Variants in LHCGR observed in about 807,000 individuals in gnomAD.
LHCGR encodes lutropin-choriogonadotropic hormone receptor.
Under a neutral mutation model 60.7 loss-of-function variants are expected in LHCGR, and 55 were observed. The ratio of observed to expected loss-of-function variants is 0.91; its 90% confidence interval spans 0.73 to 1.13. LHCGR has a LOEUF of 1.13. Among genes scored for constraint, LHCGR ranks in the 50% most tolerant of loss-of-function variants. The pLI, the probability that LHCGR is intolerant of heterozygous loss-of-function variation, is 0.00. For missense variants in LHCGR, 862 were observed against 836.0 expected (o/e 1.03, Z -0.38); for synonymous variants, 337 against 316.5 (o/e 1.06, Z -0.69).
intron 10 of LHCGR, among the ~76,000 whole-genome samples, chr2:48,692,446 G>C (rs1234971084): frequency 6.6e-6 from 1 of 152,004 alleles, no homozygotes; most frequent in Non-Finnish European, 1.5e-5. Flanking sequence ...TTTCTCCCTG[G>C]TGATTTATCT....
At chr2:48,737,508 A>C (rs1669252164) in intron 1 of LHCGR, among the ~76,000 whole-genome samples, 1 of 152,226 alleles carries the variant, frequency 6.6e-6, no homozygotes, top group African/African-American at 2.4e-5. Context: ...ATGATAATAA[A>C]CTTGCTTTCA....
chr2:48,696,729 A>G (rs1367700007), intron 9 of LHCGR, among the ~76,000 whole-genome samples: 1 of 152,232 alleles, frequency 6.6e-6, no homozygotes, highest in Non-Finnish European at 1.5e-5. Context: ...GGACATTTCT[A>G]TGTATTATTC....
At chr2:48,754,578 T>C (rs1271689733) in intron 1 of LHCGR, among the ~76,000 whole-genome samples, 3 of 151,950 alleles carry the variant, frequency 2.0e-5, no homozygotes, top group Admixed American at 6.6e-5. Flanking sequence ...ACAATCTAAT[T>C]TTACAAAAAT....
At position 48,729,168 on chromosome 2, in the gene LHCGR, A is replaced by T. The variant is rs1430997827; in HGVS notation, c.293T>A (p.Leu98His). ...TGATGCTTACATTTCAGACAAATTG[A>T]GGAGGTTGTCAAAGGCATTAGCTTC... ...RIEANAFDNL[L>H]NLSEILIQNT... The change falls in exon 3 of 11, where the codon CTC (leucine) becomes CAC (histidine). Residue 98 changes from leucine to histidine, a missense_variant. Transcript: ENST00000294954. 3 of 1,611,030 alleles carry T rather than the reference A, an allele frequency of 1.9e-6. No individual in the cohort carries two copies. Among genetic ancestry groups the T allele is most frequent in the South Asian group, 2.2e-5 (2 of 91,028 alleles).
At chr2:48,730,834 A>G (rs1668954865) in intron 2 of LHCGR, among the ~76,000 whole-genome samples, 1 of 152,238 alleles carries the variant, frequency 6.6e-6, no homozygotes, top group Non-Finnish European at 1.5e-5. Flanking sequence ...TATAAAGATT[A>G]TCTTCTGATG....
chr2:48,724,476 C>G (rs969712203), intron 4 of LHCGR, among the ~76,000 whole-genome samples: 3 of 152,186 alleles, frequency 2.0e-5, no homozygotes. Context: ...AGCCAGGTTT[C>G]TCTTCTGGCT....
intron 10 of LHCGR, among the ~76,000 whole-genome samples, chr2:48,689,877 G>A (rs1296799507): frequency 6.6e-6 from 1 of 152,102 alleles, no homozygotes; most frequent in Non-Finnish European, 1.5e-5. Context: ...ACCGCACCCA[G>A]CTAATTTTTT....
At chr2:48,717,210 T>G (rs749012446) in intron 6 of LHCGR, among the ~76,000 whole-genome samples, 2 of 152,250 alleles carry the variant, frequency 1.3e-5, no homozygotes, top group Non-Finnish European at 2.9e-5. Context: ...GTTGTCTAGA[T>G]GCCCATTATT....
intron 1 of LHCGR, among the ~76,000 whole-genome samples, chr2:48,738,001 A>T (rs936926315): frequency 1.3e-5 from 2 of 152,208 alleles, no homozygotes; most frequent in African/African-American, 2.4e-5. Context: ...CCAACAATCA[A>T]GTCACATCAG....
chr2:48,708,940 C>T lies in LHCGR; in HGVS notation c.680+8G>A, dbSNP rs754713807. 2 of 1,612,530 alleles carry T rather than the reference C, an allele frequency of 1.2e-6. No homozygotes were observed. The highest frequency in any genetic ancestry group is 2.2e-5 in the South Asian group (2 of 91,056). On this transcript the variant is annotated splice_region_variant and intron_variant, in intron 8 of 10. Transcript: ENST00000294954. Reference sequence around the variant, plus strand: ...GGCAGGGAGGGGAGGCAGCACCATTCTACTCACAAGGTTTTCGGCCCTGTG... The same window carrying T: ...GGCAGGGAGGGGAGGCAGCACCATTTTACTCACAAGGTTTTCGGCCCTGTG...
chr2:48,714,963 G>A (rs973033548), intron 6 of LHCGR, among the ~76,000 whole-genome samples: 3 of 152,146 alleles, frequency 2.0e-5, no homozygotes, highest in Non-Finnish European at 4.4e-5. Context: ...GATATGCTTT[G>A]TCTGGGGCTA....
chr2:48,748,258 A>G (rs1290728987), intron 1 of LHCGR, among the ~76,000 whole-genome samples: 2 of 152,120 alleles, frequency 1.3e-5, no homozygotes, highest in East Asian at 3.9e-4. Context: ...CCTGCATGCT[A>G]TCTTGTACAT....
intron 6 of LHCGR, chr2:48,721,644 A>G (rs775350937): frequency 2.1e-6 from 1 of 468,586 alleles, no homozygotes; most frequent in South Asian, 1.6e-5. Context: ...CCAGTGATAT[A>G]AAAGAGAGTC....
chr2:48,691,476 A>AT (rs1007445631), intron 10 of LHCGR, among the ~76,000 whole-genome samples: 6 of 152,166 alleles, frequency 3.9e-5, no homozygotes, highest in Non-Finnish European at 7.3e-5. Context: ...TATAATTATC[A>AT]TTTTTTAATC....
At chr2:48,711,002 C>T (rs1019047308) in intron 7 of LHCGR, among the ~76,000 whole-genome samples, 1 of 152,146 alleles carries the variant, frequency 6.6e-6, no homozygotes, top group Non-Finnish European at 1.5e-5. Flanking sequence ...CTCCAGTCTC[C>T]CCCTTGCTAA....
At chr2:48,726,043 C>T (rs1394992573) in intron 3 of LHCGR, among the ~76,000 whole-genome samples, 1 of 152,096 alleles carries the variant, frequency 6.6e-6, no homozygotes, top group African/African-American at 2.4e-5. Context: ...CCACAGACAG[C>T]ACCGACATCC....
intron 8 of LHCGR, among the ~76,000 whole-genome samples, chr2:48,699,694 G>A (rs961799917): frequency 1.3e-5 from 2 of 152,234 alleles, no homozygotes; most frequent in African/African-American, 4.8e-5. Context: ...ATTCTCTAAT[G>A]CAGAATGCAT....
chr2:48,753,046 T>C (rs1020272807), intron 1 of LHCGR, among the ~76,000 whole-genome samples: 6 of 146,056 alleles, frequency 4.1e-5, no homozygotes, highest in Admixed American at 2.1e-4. Context: ...TACTTTTTCC[T>C]CTCTAAGATG....
At chr2:48,728,047 G>A (rs1198049323) in intron 3 of LHCGR, among the ~76,000 whole-genome samples, 3 of 151,604 alleles carry the variant, frequency 2.0e-5, no homozygotes, top group African/African-American at 4.8e-5. Context: ...CTTTGAATGC[G>A]ACCCAATAGA....
Sources: allele counts gnomAD v4.1 joint callset (sites outside exome capture counted in the v4.1 genomes callset), GRCh38; gene constraint gnomAD v4.1.1; transcripts MANE v1.5; gene names NCBI Gene and HGNC (gene_info 2026-07-23, HGNC 2026-07-21).